AQR: variants seen among roughly 807,000 people sequenced by gnomAD.
The protein encoded by AQR is aquarius intron-binding spliceosomal factor.
AQR carries 61 observed loss-of-function variants against 180.5 expected under a neutral mutation model. That is an observed-to-expected ratio of 0.34 (90% CI 0.28 to 0.42). AQR has a LOEUF of 0.42. AQR is among the 10% of genes least tolerant of loss of function. The pLI is 1.00. For synonymous variants in AQR, 551 were observed against 588.8 expected (o/e 0.94, Z 0.93); for missense variants, 1,281 against 1,798.3 (o/e 0.71, Z 5.20).
intron 8 of AQR, among the ~76,000 whole-genome samples, chr15:34,939,193 C>T (rs772671050): frequency 6.7e-6 from 1 of 149,484 alleles, no homozygotes; most frequent in Non-Finnish European, 1.5e-5. Flanking sequence ...CTCAGCCTCT[C>T]GAGTAGCTGG....
intron 16 of AQR, among the ~76,000 whole-genome samples, chr15:34,913,407 T>C (rs1313854399): frequency 6.6e-6 from 1 of 152,156 alleles, no homozygotes; most frequent in African/African-American, 2.4e-5. Flanking sequence ...ATCTTCAAGA[T>C]ACATGAAACA....
chr15:34,942,478 A>G (rs1348459645), intron 6 of AQR, among the ~76,000 whole-genome samples: 4 of 151,810 alleles, frequency 2.6e-5, no homozygotes, highest in Non-Finnish European at 5.9e-5. Flanking sequence ...ATTGAGTACT[A>G]TTTTTTTTGG....
At chr15:34,907,884 G>C (rs1893443241) in intron 17 of AQR, among the ~76,000 whole-genome samples, 1 of 152,132 alleles carries the variant, frequency 6.6e-6, no homozygotes, top group Non-Finnish European at 1.5e-5. Flanking sequence ...ATGACCTCTT[G>C]TTCCTTCCTA....
intron 23 of AQR, among the ~76,000 whole-genome samples, chr15:34,892,345 A>G (rs1411654881): frequency 6.6e-6 from 1 of 152,228 alleles, no homozygotes; most frequent in Non-Finnish European, 1.5e-5. Context: ...TTAGTCTTTC[A>G]GGAATATTCA....
At chr15:34,924,142 C>T (rs1046159546) in intron 13 of AQR, among the ~76,000 whole-genome samples, 3 of 152,150 alleles carry the variant, frequency 2.0e-5, no homozygotes, top group Non-Finnish European at 4.4e-5. Flanking sequence ...GAAACTACCA[C>T]TTGTCAAGTT....
rs2305410 is a variant in AQR, at chr15:34,952,855, C to G, written c.209+30G>C. 3.4e-5 allele frequency: 48 copies of G among 1,427,506 alleles called. No homozygotes were observed. The East Asian group carries it at 1.1e-3, about 33-fold the overall frequency. 88.4% of individuals were successfully genotyped at this position (1,427,506 alleles called of 1,614,324 possible). A position where few individuals can be genotyped will look rare whatever the true frequency, so the allele number is the denominator to read the frequency against. The stretch of plus-strand genomic sequence containing the variant: ...AGCTAAAACTGAAATCACATTATCT[C>G]TTTCATCAATGGAATGCCTTATAAC... On this transcript the variant is annotated intron_variant, in intron 4 of 34. Transcript: ENST00000156471.
rs1156283753 is a variant in AQR, at chr15:34,856,321, A to G, written c.*471T>C. 5.2e-6 allele frequency: 2 copies of G among 381,780 alleles called. No homozygotes were observed. The highest frequency in any genetic ancestry group is 4.6e-6 in the Non-Finnish European group (1 of 216,588). 23.6% of individuals were successfully genotyped at this position (381,780 alleles called of 1,614,324 possible). On this transcript the variant is annotated 3_prime_UTR_variant, in exon 35 of 35. Transcript: ENST00000156471. ...AGAAACCTGTATCTTACTGCTAATA[A>G]TATCTTTACATAAAGACAGCAAACA...
chr15:34,859,855 C>T (rs571140953), intron 34 of AQR, among the ~76,000 whole-genome samples, 187 bp downstream of exon 34: 2 of 152,208 alleles, frequency 1.3e-5, no homozygotes, highest in African/African-American at 4.8e-5. Context: ...AGTTTGTGGA[C>T]TTTATTGTAT....
At chr15:34,937,959 T>C (rs1280964029) in intron 9 of AQR, among the ~76,000 whole-genome samples, 5 of 150,696 alleles carry the variant, frequency 3.3e-5, no homozygotes, top group African/African-American at 7.3e-5. Context: ...TATATATACT[T>C]ACTTTTTAAA....
intron 5 of AQR, among the ~76,000 whole-genome samples, chr15:34,946,381 CG>C (rs890044680): frequency 6.7e-6 from 1 of 149,362 alleles, no homozygotes; most frequent in Admixed American, 6.6e-5. Flanking sequence ...CTCTTGAGGT[CG>C]GGGGGGTCAG....
chr15:34,856,180 G>C lies in AQR; in HGVS notation c.*612C>G, dbSNP rs1469006554. 1 of 175,524 alleles carries C rather than the reference G, an allele frequency of 5.7e-6. No individual in the cohort carries two copies. The highest frequency in any genetic ancestry group is 2.3e-5 in the African/African-American group (1 of 42,698). The allele number at this position is 175,524 out of a possible 1,614,324, so 10.9% of individuals were successfully genotyped here. A position where few individuals can be genotyped will look rare whatever the true frequency, so the allele number is the denominator to read the frequency against. ...ATAGATTCCTAGGCTCTAATCCTGA[G>C]ATTCTGACTCATTCAGTCTGAGGTG... On this transcript the variant is annotated 3_prime_UTR_variant, in exon 35 of 35. Coordinates refer to ENST00000156471, the MANE Select transcript of AQR (RefSeq NM_014691.3).
chr15:34,906,093 C>T (rs1315085189), intron 18 of AQR, among the ~76,000 whole-genome samples: 1 of 151,980 alleles, frequency 6.6e-6, no homozygotes, highest in Non-Finnish European at 1.5e-5. Flanking sequence ...AGTTCTGAAA[C>T]TGTCTGGGTG....
chr15:34,918,187 A>G, intron 15 of AQR, 71 bp downstream of exon 15: 1 of 1,540,244 alleles, frequency 6.5e-7, no homozygotes, highest in Non-Finnish European at 8.8e-7. Context: ...CACTGCCTAT[A>G]ATTGCCAATT....
intron 34 of AQR, among the ~76,000 whole-genome samples, chr15:34,859,762 A>G (rs1892642948): frequency 1.3e-5 from 2 of 152,314 alleles, no homozygotes; most frequent in South Asian, 4.1e-4. Flanking sequence ...CTCTTGGGAT[A>G]ATGGATATGC....
intron 8 of AQR, among the ~76,000 whole-genome samples, chr15:34,939,887 C>G (rs1345624562): frequency 1.3e-5 from 2 of 152,136 alleles, no homozygotes; most frequent in African/African-American, 4.8e-5. Flanking sequence ...CACAATGAGG[C>G]TTAGAGGTGA....
intron 26 of AQR, among the ~76,000 whole-genome samples, chr15:34,883,146 G>A (rs1045067456): frequency 6.6e-6 from 1 of 152,134 alleles, no homozygotes; most frequent in African/African-American, 2.4e-5. Flanking sequence ...GGAACCACAA[G>A]TTTTTCCAGC....
chr15:34,873,014 C>CT (rs1357041543), intron 30 of AQR, among the ~76,000 whole-genome samples: 8 of 151,706 alleles, frequency 5.3e-5, no homozygotes, highest in African/African-American at 7.3e-5. Flanking sequence ...TACTTTGCAA[C>CT]TTTTTTCCAC....
At chr15:34,864,307 A>G (rs1892713578) in intron 32 of AQR, among the ~76,000 whole-genome samples, 1 of 152,040 alleles carries the variant, frequency 6.6e-6, no homozygotes, top group Non-Finnish European at 1.5e-5. Flanking sequence ...AGGGATAGGT[A>G]CCCTTTCCCC....
chr15:34,928,554 C>G (rs949619178), intron 12 of AQR, among the ~76,000 whole-genome samples: 1 of 152,156 alleles, frequency 6.6e-6, no homozygotes, highest in Non-Finnish European at 1.5e-5. Flanking sequence ...GCATAGTATT[C>G]CATGGTGTAT....
Sources: allele counts gnomAD v4.1 joint callset (sites outside exome capture counted in the v4.1 genomes callset), GRCh38; gene constraint gnomAD v4.1.1; transcripts MANE v1.5; gene names NCBI Gene and HGNC (gene_info 2026-07-23, HGNC 2026-07-21).